COL5A2: variants seen among roughly 807,000 people sequenced by gnomAD.
The protein encoded by COL5A2 is collagen alpha-2(V) chain.
Under a neutral mutation model 208.2 loss-of-function variants are expected in COL5A2, and 23 were observed. That is an observed-to-expected ratio of 0.11 (90% CI 0.08 to 0.16). COL5A2 has a LOEUF of 0.16. COL5A2 is among the 10% of genes least tolerant of loss of function. COL5A2 has a pLI of 1.00. For missense variants in COL5A2, 1,590 were observed against 1,956.4 expected (o/e 0.81, Z 3.53); for synonymous variants, 625 against 628.5 (o/e 0.99, Z 0.08).
At chr2:189,236,012 A>C in the COL5A2 span, among the ~76,000 whole-genome samples, 1 of 151,574 alleles carries the variant, frequency 6.6e-6, no homozygotes, top group African/African-American at 2.4e-5. Flanking sequence ...TAAAAAAAAA[A>C]AAACACCTGA....
At chr2:189,069,650 T>C (rs1686227208) in intron 18 of COL5A2, among the ~76,000 whole-genome samples, 1 of 152,228 alleles carries the variant, frequency 6.6e-6, no homozygotes, top group Admixed American at 6.5e-5. Context: ...TCAGCTAAAA[T>C]GTGCTGCAAG....
At chr2:189,099,407 T>G (rs532090732) in intron 4 of COL5A2, among the ~76,000 whole-genome samples, 4 of 152,034 alleles carry the variant, frequency 2.6e-5, no homozygotes, top group Admixed American at 2.0e-4. Flanking sequence ...GGTGGATCAC[T>G]TGAGGTCAGG....
rs1181043401 is a variant in COL5A2 at position 189,058,674 on chromosome 2, ATT to A, written c.2131-149_2131-148del. The stretch of plus-strand genomic sequence containing the variant: ...TTTCTAATTTAGTGATAAGAAATAA[ATT>A]TGAAGTAAGGATATGCTAGTTTCAT... On this transcript the variant is annotated intron_variant, in intron 32 of 53. Coordinates refer to ENST00000374866, the MANE Select transcript of COL5A2 (RefSeq NM_000393.5). The A allele has an allele frequency of 4.6e-5, 44 of 953,088 alleles. No homozygotes were observed. In the African/African-American group the frequency reaches 6.9e-4, roughly 15 times the overall value. The allele number at this position is 953,088 out of a possible 1,614,324, so 59.0% of individuals were successfully genotyped here.
chr2:189,243,525 T>G, the COL5A2 span, among the ~76,000 whole-genome samples: 3 of 152,072 alleles, frequency 2.0e-5, no homozygotes, highest in Non-Finnish European at 2.9e-5. Context: ...GAGAACAACA[T>G]GGGAAAGACC....
chr2:189,137,706 G>A (rs924362706), intron 1 of COL5A2, among the ~76,000 whole-genome samples: 1 of 152,130 alleles, frequency 6.6e-6, no homozygotes, highest in Non-Finnish European at 1.5e-5. Context: ...TTGGGGGCGG[G>A]GGATGGGTAG....
chr2:189,242,775 G>A, the COL5A2 span, among the ~76,000 whole-genome samples: 1 of 152,194 alleles, frequency 6.6e-6, no homozygotes, highest in Non-Finnish European at 1.5e-5. Context: ...ATGGTGTGAG[G>A]AATAAACAGG....
At chr2:189,243,163 G>T in the COL5A2 span, among the ~76,000 whole-genome samples, 4,933 of 152,094 alleles carry the variant, frequency 0.032, 84 homozygotes, top group Admixed American at 0.047. Context: ...AAGAAGAAAA[G>T]AGAGTAGAAG....
chr2:189,298,187 G>C, the COL5A2 span, among the ~76,000 whole-genome samples: 1 of 152,124 alleles, frequency 6.6e-6, no homozygotes, highest in Non-Finnish European at 1.5e-5. Flanking sequence ...AATGGAGAGG[G>C]AGAGAAACAA....
chr2:189,390,104 A>T, the COL5A2 span, among the ~76,000 whole-genome samples: 1 of 151,854 alleles, frequency 6.6e-6, no homozygotes, highest in Non-Finnish European at 1.5e-5. Flanking sequence ...ACTGCCCCAA[A>T]TCTAGCAAGT....
chr2:189,390,206 A>G, the COL5A2 span, among the ~76,000 whole-genome samples: 14 of 152,052 alleles, frequency 9.2e-5, no homozygotes, highest in Admixed American at 3.9e-4. Flanking sequence ...AGCAACCCCA[A>G]TCCCCTGGAG....
At chr2:189,231,458 C>G in the COL5A2 span, among the ~76,000 whole-genome samples, 1 of 151,698 alleles carries the variant, frequency 6.6e-6, no homozygotes, top group Non-Finnish European at 1.5e-5. Context: ...GACTCTCATT[C>G]ACACCCGGTG....
intron 47 of COL5A2, among the ~76,000 whole-genome samples, chr2:189,044,806 T>G (rs1416956594): frequency 6.6e-6 from 1 of 152,062 alleles, no homozygotes; most frequent in Non-Finnish European, 1.5e-5. Context: ...TAGTTGAAAA[T>G]GAAACATAAT....
chr2:189,105,261 T>C (rs763582503), intron 2 of COL5A2, among the ~76,000 whole-genome samples: 1 of 151,690 alleles, frequency 6.6e-6, no homozygotes, highest in African/African-American at 2.4e-5. Flanking sequence ...GGTATAGGCA[T>C]TGGTAACTTG....
At chr2:189,269,634 T>C in the COL5A2 span, among the ~76,000 whole-genome samples, 3 of 152,178 alleles carry the variant, frequency 2.0e-5, no homozygotes, top group African/African-American at 7.2e-5. Context: ...ATGGATTTGG[T>C]TTGCCAATAT....
intron 1 of COL5A2, among the ~76,000 whole-genome samples, chr2:189,220,088 C>T (rs1689328848): frequency 6.6e-6 from 1 of 152,100 alleles, no homozygotes; most frequent in Non-Finnish European, 1.5e-5. Context: ...CTGTCACTAG[C>T]TGCAGCTGCC....
At chr2:189,401,257 CT>C in the COL5A2 span, among the ~76,000 whole-genome samples, 1 of 152,088 alleles carries the variant, frequency 6.6e-6, no homozygotes, top group Non-Finnish European at 1.5e-5. Context: ...TGTTGTCCCC[CT>C]TATGTGTCCA....
At chr2:189,437,775 A>G in the COL5A2 span, among the ~76,000 whole-genome samples, 2 of 152,192 alleles carry the variant, frequency 1.3e-5, no homozygotes, top group South Asian at 2.1e-4. Context: ...GCAGAGCCCA[A>G]GGGCCTATCA....
At chr2:189,366,621 A>ATGTGGGTGTGCT in the COL5A2 span, among the ~76,000 whole-genome samples, 2 of 152,216 alleles carry the variant, frequency 1.3e-5, no homozygotes, top group Non-Finnish European at 2.9e-5. Flanking sequence ...GCATGTGTGC[A>ATGTGGGTGTGCT]TGTGGGTGTG....
chr2:189,356,895 T>C, the COL5A2 span, among the ~76,000 whole-genome samples: 1 of 152,196 alleles, frequency 6.6e-6, no homozygotes, highest in Non-Finnish European at 1.5e-5. Flanking sequence ...GTCTTTGATG[T>C]TGGTGACCTT....
Sources: allele counts gnomAD v4.1 joint callset (sites outside exome capture counted in the v4.1 genomes callset), GRCh38; gene constraint gnomAD v4.1.1; transcripts MANE v1.5; gene names NCBI Gene and HGNC (gene_info 2026-07-23, HGNC 2026-07-21).